The following RICTOR variants were observed in gnomAD, a reference collection of about 807,000 sequenced individuals.
RICTOR encodes rapamycin-insensitive companion of mTOR.
Under a neutral mutation model 214.9 loss-of-function variants are expected in RICTOR, and 49 were observed. The ratio of observed to expected loss-of-function variants is 0.23; its 90% CI spans 0.18 to 0.29. RICTOR has a LOEUF of 0.29. Among genes scored for constraint, RICTOR ranks in the 10% least tolerant of loss-of-function variants. The pLI, the probability that RICTOR is intolerant of heterozygous loss-of-function variation, is 1.00. For missense variants in RICTOR, 1,625 were observed against 2,047.0 expected, an observed-to-expected ratio of 0.79 and a Z score of 3.98; for synonymous variants, 717 against 711.3, an observed-to-expected ratio of 1.01 and a Z score of -0.13.
At chr5:38,990,576 T>TATACAC (rs1491289561) in intron 7 of RICTOR, among the ~76,000 whole-genome samples, 3 of 134,640 alleles carry the variant, frequency 2.2e-5, no homozygotes, top group African/African-American at 8.5e-5. Context: ...ACGATATATA[T>TATACAC]GATATATACA....
chr5:38,952,077 G>A (rs1748840665), intron 30 of RICTOR, 119 bp downstream of exon 30: 1 of 637,944 alleles, frequency 1.6e-6, no homozygotes, highest in Non-Finnish European at 2.8e-6. Flanking sequence ...GGCTATTATT[G>A]CCAAATAATT....
intron 6 of RICTOR, 35 bp downstream of exon 6, chr5:38,996,784 T>C (rs757183832): frequency 5.2e-6 from 7 of 1,357,048 alleles, no homozygotes; most frequent in Admixed American, 1.9e-5. Flanking sequence ...ATAAAAACCA[T>C]AAATTTGCCT....
At chr5:38,951,371 A>G (rs982007062) in intron 30 of RICTOR, among the ~76,000 whole-genome samples, 2 of 151,988 alleles carry the variant, frequency 1.3e-5, no homozygotes, top group Admixed American at 1.3e-4. Flanking sequence ...TTTTCAAAGA[A>G]GGTAAAAGAA....
At position 38,990,828 on chromosome 5, in the gene RICTOR, T is replaced by G. The variant is rs1466416933; in HGVS notation, c.583+121A>C. The G allele has an allele frequency of 4.4e-4, 55 of 124,484 alleles. 3 individuals are homozygous for G. Among genetic ancestry groups the G allele is most frequent in the African/African-American group, 2.1e-3 (14 of 6,562 alleles). 7.7% of individuals were successfully genotyped at this position (124,484 alleles called of 1,614,324 possible). A position where few individuals can be genotyped will look rare whatever the true frequency, so the allele number is the denominator to read the frequency against. On this transcript the variant is annotated intron_variant, in intron 7 of 37. Transcript: ENST00000357387. ...TATATGAGATATATGAGATATATGA[T>G]ATATGAGATATATGAGATATATGAT...
intron 6 of RICTOR, among the ~76,000 whole-genome samples, chr5:38,992,410 A>G (rs1007725226): frequency 6.6e-6 from 1 of 152,182 alleles, no homozygotes; most frequent in Non-Finnish European, 1.5e-5. Flanking sequence ...TTCTCCAAAC[A>G]GCAAAATGCA....
At position 38,975,493 on chromosome 5, in the gene RICTOR, A is replaced by G. The variant is rs368133255; in HGVS notation, c.889+44T>C. 4 of 1,306,350 alleles carry G rather than the reference A, an allele frequency of 3.1e-6. No homozygotes were observed. The African/African-American group carries it at 5.8e-5, about 19-fold the overall frequency. The allele number at this position is 1,306,350 out of a possible 1,614,324, so 80.9% of individuals were successfully genotyped here. On this transcript the variant is annotated intron_variant, in intron 10 of 37. Coordinates refer to ENST00000357387, the MANE Select transcript of RICTOR (RefSeq NM_152756.5). ...AATTTAACATTTGAAAAAGCAGTCT[A>G]GTTTTTCTTCTTGGATGTTATAAAG...
intron 2 of RICTOR, among the ~76,000 whole-genome samples, chr5:39,073,569 C>T (rs551681141): frequency 6.6e-6 from 1 of 152,188 alleles, no homozygotes; most frequent in African/African-American, 2.4e-5. Context: ...ATGACCAGTT[C>T]TAGGTTTCAC....
intron 35 of RICTOR, 91 bp from the exon 36 acceptor site, chr5:38,944,660 G>A: frequency 8.6e-7 from 1 of 1,157,696 alleles, no homozygotes; most frequent in East Asian, 2.4e-5. Context: ...TTCACCTAAA[G>A]ACCTAGAGAT....
Position 38,939,320 on chromosome 5 carries a change from T to C in RICTOR, c.*2984A>G, listed in dbSNP as rs1561424280. On this transcript the variant is annotated 3_prime_UTR_variant, in exon 38 of 38. Transcript: ENST00000357387. Reference sequence around the variant, plus strand: ...GAGCTGAAACCCATTAAAGTTGTCATTTCAAAAGGACTTGTACACATTATG... The same window carrying C: ...GAGCTGAAACCCATTAAAGTTGTCACTTCAAAAGGACTTGTACACATTATG... 8.6e-6 allele frequency: 2 copies of C among 232,340 alleles called. No homozygotes were observed. Among genetic ancestry groups the C allele is most frequent in the African/African-American group, 2.2e-5 (1 of 45,304 alleles). The allele number at this position is 232,340 out of a possible 1,614,324, so 14.4% of individuals were successfully genotyped here.
At chr5:38,978,989 C>T (rs1357226142) in intron 8 of RICTOR, among the ~76,000 whole-genome samples, 1 of 152,098 alleles carries the variant, frequency 6.6e-6, no homozygotes, top group Non-Finnish European at 1.5e-5. Flanking sequence ...CCAAGATAAC[C>T]GTCTTGACTT....
chr5:39,063,725 TTAAC>T (rs1758703571), intron 2 of RICTOR, among the ~76,000 whole-genome samples: 2 of 151,992 alleles, frequency 1.3e-5, no homozygotes, highest in Admixed American at 1.3e-4. Context: ...CACAACAGTA[TTAAC>T]TAACCCATGT....
chr5:39,053,685 G>A (rs957287667), intron 2 of RICTOR, among the ~76,000 whole-genome samples: 2 of 152,088 alleles, frequency 1.3e-5, no homozygotes, highest in East Asian at 1.9e-4. Flanking sequence ...GAGGTCAGGA[G>A]ATCGAGACCA....
At chr5:38,995,971 A>G (rs1753150258) in intron 6 of RICTOR, among the ~76,000 whole-genome samples, 2 of 152,184 alleles carry the variant, frequency 1.3e-5, no homozygotes, top group Non-Finnish European at 2.9e-5. Context: ...ACTAACCAAA[A>G]GGTAGACAAT....
chr5:38,945,590 G>A lies in RICTOR; in HGVS notation c.4534C>T (p.Leu1512=). 1 of 1,613,940 alleles carries A rather than the reference G, an allele frequency of 6.2e-7. No homozygotes were observed. The part of the protein sequence containing the change: ...LFLESTEDTG[L]QEHTDDNCLY... ...CAGTTATCATCTGTATGTTCCTGTA[G>A]TCCAGTGTCTTCTGTACTTTCTAAA... Residue 1512 remains leucine, a synonymous_variant, in exon 34 of 38, where the codon CTA becomes TTA. Transcript: ENST00000357387.
chr5:38,951,427 T>C (rs1469245604), intron 30 of RICTOR, among the ~76,000 whole-genome samples: 1 of 152,038 alleles, frequency 6.6e-6, no homozygotes, highest in Non-Finnish European at 1.5e-5. Context: ...CTATATTTTG[T>C]CAATTCTAAG....
intron 11 of RICTOR, among the ~76,000 whole-genome samples, chr5:38,968,955 C>T (rs1259426974): frequency 4.0e-5 from 5 of 124,000 alleles, no homozygotes; most frequent in South Asian, 2.8e-4. Flanking sequence ...GTGTGTTTGG[C>T]GGGGGAGGAG....
At chr5:39,003,721 GAAT>G (rs2150107875) in intron 3 of RICTOR, 99 bp from the exon 4 acceptor site, 1 of 648,870 alleles carries the variant, frequency 1.5e-6, no homozygotes, top group Non-Finnish European at 2.5e-6. Flanking sequence ...TATTTTTATG[GAAT>G]AATATTTTGA....
chr5:38,967,816 C>T (rs1390179023), intron 12 of RICTOR, 127 bp downstream of exon 12: 2 of 550,050 alleles, frequency 3.6e-6, no homozygotes, highest in East Asian at 2.9e-5. Flanking sequence ...TATTAATTTC[C>T]TGTCACAATT....
intron 9 of RICTOR, 124 bp from the exon 10 acceptor site, chr5:38,975,728 AAC>A: frequency 1.4e-6 from 1 of 695,222 alleles, no homozygotes; most frequent in Non-Finnish European, 2.5e-6. Context: ...ATAAAATTAA[AAC>A]AAGACAAAGA....
Sources: allele counts gnomAD v4.1 joint callset (sites outside exome capture counted in the v4.1 genomes callset), GRCh38; gene constraint gnomAD v4.1.1; transcripts MANE v1.5; gene names NCBI Gene and HGNC (gene_info 2026-07-23, HGNC 2026-07-21).